The following NAV2 variants were observed in gnomAD, a reference collection of about 807,000 sequenced individuals.
NAV2 encodes neuron navigator 2.
In NAV2, 54 loss-of-function variants were observed where a neutral mutation model predicts 223.2. The observed-to-expected ratio is 0.24, with a 90% CI of 0.19 to 0.30. The LOEUF is 0.30. Ranked by LOEUF, NAV2 falls within the 10% of genes least tolerant of loss-of-function variation. The pLI, the probability that NAV2 is intolerant of heterozygous loss-of-function variation, is 1.00. For synonymous variants in NAV2, 1,279 were observed against 1,239.3 expected, an observed-to-expected ratio of 1.03 and a Z score of -0.67; for missense variants, 2,806 against 3,147.5, an observed-to-expected ratio of 0.89 and a Z score of 2.60.
intron 1 of NAV2, among the ~76,000 whole-genome samples, chr11:19,670,741 C>T (rs1211299304): frequency 6.6e-6 from 1 of 152,196 alleles, no homozygotes; most frequent in East Asian, 1.9e-4. Context: ...GCAGAAGCAG[C>T]CAATTAGGTG....
intron 1 of NAV2, among the ~76,000 whole-genome samples, chr11:19,424,472 C>T (rs2133532173): frequency 6.6e-6 from 1 of 152,340 alleles, no homozygotes; most frequent in South Asian, 2.1e-4. Context: ...GGTTCCTCCA[C>T]ATTCTAAGAA....
chr11:19,421,119 C>T (rs891168289), intron 1 of NAV2, among the ~76,000 whole-genome samples: 1 of 152,172 alleles, frequency 6.6e-6, no homozygotes, highest in African/African-American at 2.4e-5. Context: ...GGGTCATAGT[C>T]GATGGACCTG....
intron 11 of NAV2, among the ~76,000 whole-genome samples, chr11:20,001,152 C>T (rs2052503471): frequency 6.6e-6 from 1 of 152,112 alleles, no homozygotes; most frequent in Admixed American, 6.5e-5. Context: ...GTATTGTAAA[C>T]CTCCATGCCT....
intron 1 of NAV2, among the ~76,000 whole-genome samples, chr11:19,553,904 G>T (rs1245279348): frequency 6.6e-6 from 1 of 152,220 alleles, no homozygotes; most frequent in East Asian, 1.9e-4. Context: ...ACCCCTCGTG[G>T]GCTTTTAGCA....
intron 1 of NAV2, among the ~76,000 whole-genome samples, chr11:19,499,215 G>C (rs958452626): frequency 2.6e-5 from 4 of 152,240 alleles, no homozygotes; most frequent in Non-Finnish European, 5.9e-5. Context: ...AGCAATTAAT[G>C]ACGTGGAACC....
intron 1 of NAV2, among the ~76,000 whole-genome samples, chr11:19,514,920 C>T (rs528704345): frequency 6.6e-6 from 1 of 152,118 alleles, no homozygotes; most frequent in African/African-American, 2.4e-5. Flanking sequence ...AATCATCCAC[C>T]CTTCGTTTCA....
At chr11:19,704,316 G>GA in intron 1 of NAV2, among the ~76,000 whole-genome samples, 2 of 152,244 alleles carry the variant, frequency 1.3e-5, no homozygotes, top group Middle Eastern at 3.4e-3. Flanking sequence ...GTGCTGTGGG[G>GA]ATTCATTTAA....
intron 1 of NAV2, among the ~76,000 whole-genome samples, chr11:19,522,182 A>C (rs2043680742): frequency 6.6e-6 from 1 of 152,190 alleles, no homozygotes; most frequent in Admixed American, 6.5e-5. Flanking sequence ...TGCCGCTTGG[A>C]AGCCACCACA....
intron 1 of NAV2, among the ~76,000 whole-genome samples, chr11:19,423,100 C>G (rs918970757): frequency 6.6e-6 from 1 of 152,232 alleles, no homozygotes; most frequent in Non-Finnish European, 1.5e-5. Context: ...GCCTGACACA[C>G]AGTAAATACT....
chr11:19,471,392 A>G (rs1462569848), intron 1 of NAV2, among the ~76,000 whole-genome samples: 1 of 152,224 alleles, frequency 6.6e-6, no homozygotes, highest in Non-Finnish European at 1.5e-5. Context: ...CCCAACATAT[A>G]GCAGTATTAA....
At chr11:19,659,240 G>A (rs940920052) in intron 1 of NAV2, among the ~76,000 whole-genome samples, 1 of 152,228 alleles carries the variant, frequency 6.6e-6, no homozygotes, top group Non-Finnish European at 1.5e-5. Context: ...AAAGGAGCCA[G>A]CAAGACCCAG....
At chr11:19,885,010 C>A (rs4424653) in intron 5 of NAV2, among the ~76,000 whole-genome samples, 1 of 152,162 alleles carries the variant, frequency 6.6e-6, no homozygotes, top group Admixed American at 6.5e-5. Context: ...CAGACTTCAA[C>A]CTGTCTGCTG....
At chr11:19,970,578 A>G (rs530844278) in intron 10 of NAV2, among the ~76,000 whole-genome samples, 57 of 152,306 alleles carry the variant, frequency 3.7e-4, no homozygotes, top group Non-Finnish European at 5.4e-4. Flanking sequence ...TTTTGAAGCA[A>G]AAGTATTGGT....
Position 19,484,127 on chromosome 11 carries a change from A to AACACACACACACACAC in NAV2, c.75+133117_75+133132dup, listed in dbSNP as rs58138697. On this transcript the variant is annotated intron_variant, in intron 1 of 37. Coordinates refer to the NAV2 transcript ENST00000360655. Reference sequence around the variant, plus strand: ...GACCTTGGATTTGTGACTGATCACAAACACACACACACACACACACACACA... The same window carrying AACACACACACACACAC: ...GACCTTGGATTTGTGACTGATCACAAACACACACACACACACACACACACACACACACACACACACA... 2.7e-4 allele frequency among the ~76,000 whole-genome samples: 39 copies of AACACACACACACACAC among 144,898 alleles called. 1 individual carries two copies. The East Asian group carries it at 5.2e-3, about 19-fold the overall frequency.
At chr11:19,907,640 A>T (rs779467764) in intron 6 of NAV2, among the ~76,000 whole-genome samples, 2 of 152,220 alleles carry the variant, frequency 1.3e-5, no homozygotes, top group Non-Finnish European at 2.9e-5. Flanking sequence ...ACGAAAGAAG[A>T]TACATCTTTT....
At chr11:20,047,361 T>A (rs2057547395) in intron 14 of NAV2, among the ~76,000 whole-genome samples, 1 of 152,244 alleles carries the variant, frequency 6.6e-6, no homozygotes, top group Non-Finnish European at 1.5e-5. Context: ...GTTCTCTTGA[T>A]GTGTATTAGT....
At chr11:20,094,923 C>T (rs1003834498) in intron 29 of NAV2, among the ~76,000 whole-genome samples, 2 of 152,194 alleles carry the variant, frequency 1.3e-5, no homozygotes, top group African/African-American at 4.8e-5. Flanking sequence ...CATGTTCTAT[C>T]AGCTTTTCTT....
intron 3 of NAV2, among the ~76,000 whole-genome samples, chr11:19,865,696 C>CT (rs1355112250): frequency 6.6e-6 from 1 of 152,204 alleles, no homozygotes; most frequent in Non-Finnish European, 1.5e-5. Context: ...TACGAATGAT[C>CT]TTTTAAATAA....
At chr11:19,390,265 A>C (rs1849196493) in intron 1 of NAV2, among the ~76,000 whole-genome samples, 4 of 152,068 alleles carry the variant, frequency 2.6e-5, no homozygotes, top group Admixed American at 2.6e-4. Flanking sequence ...GTGGCCTTTC[A>C]TGATGGATAG....
Sources: allele counts gnomAD v4.1 joint callset (sites outside exome capture counted in the v4.1 genomes callset), GRCh38; gene constraint gnomAD v4.1.1; transcripts MANE v1.5; gene names NCBI Gene and HGNC (gene_info 2026-07-23, HGNC 2026-07-21).